SLCO5A1: variants seen among roughly 807,000 people sequenced by gnomAD.
SLCO5A1 encodes the protein solute carrier organic anion transporter family member 5A1, also known as organic anion transporter polypeptide-related protein 4.
Under a neutral mutation model 65.1 loss-of-function variants are expected in SLCO5A1, and 39 were observed. The observed-to-expected ratio is 0.60, with a 90% CI of 0.46 to 0.78. The LOEUF is 0.78. SLCO5A1 is among the 30% of genes least tolerant of loss of function. SLCO5A1 has a pLI of 0.00. For missense variants in SLCO5A1, 1,029 were observed against 1,069.4 expected (o/e 0.96, Z 0.53); for synonymous variants, 438 against 415.7 (o/e 1.05, Z -0.65).
chr8:69,735,045 A>C (rs1256498750), intron 5 of SLCO5A1, among the ~76,000 whole-genome samples: 1 of 152,234 alleles, frequency 6.6e-6, no homozygotes, highest in Non-Finnish European at 1.5e-5. Context: ...GAAGACATAC[A>C]TGCAGCCAAG....
At chr8:69,779,586 T>C (rs1586790865) in intron 2 of SLCO5A1, among the ~76,000 whole-genome samples, 2 of 152,176 alleles carry the variant, frequency 1.3e-5, no homozygotes, top group South Asian at 4.1e-4. Flanking sequence ...TCACATTACT[T>C]GTGCCATCAA....
In SLCO5A1 at chr8:69,832,376, C is replaced by A. The variant is rs200393256; in HGVS notation, c.298G>T (p.Asp100Tyr). Residue 100 changes from aspartate (D) to tyrosine (Y), a missense_variant, in exon 2 of 10, where the codon GAC becomes TAC. Asp to Tyr is a radical substitution (Grantham distance 160, BLOSUM62 -3). Coordinates refer to ENST00000260126, the MANE Select transcript of SLCO5A1 (RefSeq NM_030958.3). This position sits in a 1 kb window ranked among gnomAD's most constrained non-coding sequence, Gnocchi z 4.5. ...GACACCGAGAAGGTTTTGCTGAGGT[C>A]CACCCTGTGGTTACAGTCCCCGAGC... ...AGLGDCNHRV[D>Y]LSKTFSVSSA... 1.9e-6 allele frequency: 3 copies of A among 1,613,468 alleles called. No homozygotes were observed. Among genetic ancestry groups the A allele is most frequent in the Non-Finnish European group, 2.5e-6 (3 of 1,179,748 alleles).
At position 69,834,123 on chromosome 8, in the gene SLCO5A1, CACA is replaced by C. The variant is rs1563385286; in HGVS notation, c.-497+728_-497+730del. On this transcript the variant is annotated intron_variant, in intron 1 of 9. Transcript: ENST00000260126. ...ACACACACACACACACACACACACACACACACCGGCGTACTGGAACCTCTCTCG... is the reference window on the plus strand; with the variant it reads ...ACACACACACACACACACACACACACCACCGGCGTACTGGAACCTCTCTCG... 12 of 156,456 alleles carry C rather than the reference CACA, an allele frequency of 7.7e-5. No individual in the cohort carries two copies. In the East Asian group the frequency reaches 2.1e-3, roughly 27 times the overall value. 9.7% of individuals were successfully genotyped at this position (156,456 alleles called of 1,614,324 possible).
intron 4 of SLCO5A1, among the ~76,000 whole-genome samples, chr8:69,739,471 G>A (rs964038307): frequency 5.3e-5 from 8 of 152,102 alleles, no homozygotes; most frequent in Admixed American, 1.3e-4. Flanking sequence ...TATCTTCATA[G>A]AAAAGGTAAG....
intron 5 of SLCO5A1, among the ~76,000 whole-genome samples, chr8:69,709,767 G>T (rs1314019612): frequency 6.6e-6 from 1 of 152,102 alleles, no homozygotes; most frequent in Admixed American, 6.5e-5. Context: ...TGTGGCCAAG[G>T]GTTGGAAAAA....
intron 5 of SLCO5A1, among the ~76,000 whole-genome samples, chr8:69,721,558 T>C (rs1412794389): frequency 6.6e-6 from 1 of 152,226 alleles, no homozygotes; most frequent in Non-Finnish European, 1.5e-5. Flanking sequence ...AGGCTAGTGC[T>C]CCCATAAACA....
intron 6 of SLCO5A1, among the ~76,000 whole-genome samples, chr8:69,703,013 A>G (rs1321562635): frequency 6.6e-6 from 1 of 151,516 alleles, no homozygotes; most frequent in Non-Finnish European, 1.5e-5. Context: ...TGGGAGGCTG[A>G]GGATACAGGA....
chr8:69,731,779 T>G (rs1213633788), intron 5 of SLCO5A1, among the ~76,000 whole-genome samples: 1 of 152,244 alleles, frequency 6.6e-6, no homozygotes, highest in Non-Finnish European at 1.5e-5. Context: ...CTTTAGCACC[T>G]GCTACAAAAT....
Position 69,670,214 on chromosome 8 carries a change from A to C in SLCO5A1, c.*2655T>G, listed in dbSNP as rs1360746328. ...ACCTTTTCCAAAACAAGTAATTTGA[A>C]GCCTAAGCTCATGGAGAGTCTTCAT... is the stretch of plus-strand genomic sequence containing the variant. On this transcript the variant is annotated 3_prime_UTR_variant, in exon 10 of 10. Transcript: ENST00000260126. The C allele has an allele frequency of 6.6e-6, 1 of 152,240 alleles. No homozygotes were observed. Among genetic ancestry groups the C allele is most frequent in the East Asian group, 1.9e-4 (1 of 5,200 alleles). The allele number at this position is 152,240 out of a possible 1,614,324, so 9.4% of individuals were successfully genotyped here.
At chr8:69,786,063 T>C (rs748485372) in intron 2 of SLCO5A1, among the ~76,000 whole-genome samples, 2 of 152,248 alleles carry the variant, frequency 1.3e-5, no homozygotes, top group Non-Finnish European at 2.9e-5. Flanking sequence ...GAGCATTAAT[T>C]CTGATGCCTG....
rs117656627 is a variant in SLCO5A1, at chr8:69,780,194, C to T, written c.908-18319G>A. ...ACAGAGAAAAGGGAACTCTTATACA[C>T]TGTTGATGGGAATGTCAATTAGTAT... is the stretch of plus-strand genomic sequence containing the variant. On this transcript the variant is annotated intron_variant, in intron 2 of 9. Coordinates refer to ENST00000260126, the MANE Select transcript of SLCO5A1 (RefSeq NM_030958.3). 7.4e-3 allele frequency among the ~76,000 whole-genome samples: 1,131 copies of T among 152,310 alleles called. 8 individuals are homozygous for T. The highest frequency in any genetic ancestry group is 9.3e-3 in the Non-Finnish European group (635 of 68,002).
intron 4 of SLCO5A1, among the ~76,000 whole-genome samples, chr8:69,740,114 C>T (rs1245399726): frequency 1.3e-5 from 2 of 151,654 alleles, no homozygotes; most frequent in African/African-American, 2.4e-5. Flanking sequence ...GTTCTCTCTT[C>T]TTTTATTAAA....
intron 5 of SLCO5A1, among the ~76,000 whole-genome samples, chr8:69,712,519 C>T (rs114109253): frequency 6.6e-6 from 1 of 152,244 alleles, no homozygotes; most frequent in African/African-American, 2.4e-5. Context: ...AAAACCTGAA[C>T]CAAAGGAGAG....
At chr8:69,710,755 A>C (rs1815204064) in intron 5 of SLCO5A1, among the ~76,000 whole-genome samples, 1 of 152,170 alleles carries the variant, frequency 6.6e-6, no homozygotes, top group South Asian at 2.1e-4. Context: ...TTAGGCTCTC[A>C]AAAATAGAAC....
intron 5 of SLCO5A1, among the ~76,000 whole-genome samples, chr8:69,711,409 A>G (rs1815250623): frequency 6.6e-6 from 1 of 152,082 alleles, no homozygotes; most frequent in African/African-American, 2.4e-5. Context: ...AGCGCCCTCT[A>G]ATGGCCAAGA....
rs1005881618 is a variant in SLCO5A1, at chr8:69,670,901, C to T, written c.*1968G>A. 10 of 152,212 alleles carry T rather than the reference C, an allele frequency of 6.6e-5. No individual in the cohort carries two copies. The highest frequency in any genetic ancestry group is 2.4e-4 in the African/African-American group (10 of 41,452). The allele number at this position is 152,212 out of a possible 1,614,324, so 9.4% of individuals were successfully genotyped here. A position where few individuals can be genotyped will look rare whatever the true frequency, so the allele number is the denominator to read the frequency against. ...TCTCCTTTAAAGGATCAGAGCTCTC[C>T]CATAGAGGGTAAAGGGGAACCCTGA... On this transcript the variant is annotated 3_prime_UTR_variant, in exon 10 of 10. Coordinates refer to ENST00000260126, the MANE Select transcript of SLCO5A1 (RefSeq NM_030958.3).
At chr8:69,724,737 G>A (rs1563684812) in intron 5 of SLCO5A1, among the ~76,000 whole-genome samples, 3 of 152,140 alleles carry the variant, frequency 2.0e-5, no homozygotes, top group Non-Finnish European at 2.9e-5. Flanking sequence ...ATATTTAAGG[G>A]CCAGGATATT....
chr8:69,668,756 G>A lies in SLCO5A1; in HGVS notation c.*4113C>T, dbSNP rs906144771. 1 of 152,076 alleles carries A rather than the reference G, an allele frequency of 6.6e-6. No individual in the cohort carries two copies. The highest frequency in any genetic ancestry group is 2.4e-5 in the African/African-American group (1 of 41,406). 9.4% of individuals were successfully genotyped at this position (152,076 alleles called of 1,614,324 possible). A position where few individuals can be genotyped will look rare whatever the true frequency, so the allele number is the denominator to read the frequency against. ...AATTTTCTTGGTGGTTGGTGAACAT[G>A]GAGGACCACCATGACATCCATGAGG... On this transcript the variant is annotated 3_prime_UTR_variant, in exon 10 of 10. Transcript: ENST00000260126.
At chr8:69,784,805 G>GAAAGAA (rs750653655) in intron 2 of SLCO5A1, among the ~76,000 whole-genome samples, 1 of 75,952 alleles carries the variant, frequency 1.3e-5, no homozygotes, top group Non-Finnish European at 2.5e-5. Flanking sequence ...AAGAAAGAAA[G>GAAAGAA]AAAGAAAAAG....
Sources: allele counts gnomAD v4.1 joint callset (sites outside exome capture counted in the v4.1 genomes callset), GRCh38; gene constraint gnomAD v4.1.1; non-coding constraint Gnocchi (gnomAD v3.1); transcripts MANE v1.5; gene names NCBI Gene and HGNC (gene_info 2026-07-23, HGNC 2026-07-21).